The following GDAP1L1 variants were observed in gnomAD, a reference collection of about 807,000 sequenced individuals.
GDAP1L1 encodes the protein ganglioside induced differentiation associated protein 1 like 1.
A neutral mutation model predicts 37.1 loss-of-function variants in GDAP1L1; 21 were observed. The ratio of observed to expected loss-of-function variants is 0.57; its 90% CI spans 0.40 to 0.81. GDAP1L1 has a LOEUF of 0.81. Among genes scored for constraint, GDAP1L1 ranks in the 40% least tolerant of loss-of-function variants. The pLI is 0.00. For synonymous variants in GDAP1L1, 193 were observed against 209.1 expected (o/e 0.92, Z 0.67); for missense variants, 362 against 491.6 (o/e 0.74, Z 2.49).
rs62205986 is a variant in GDAP1L1 at position 44,272,212 on chromosome 20, G to A, written c.761-6745G>A. 7.4e-3 allele frequency among the ~76,000 whole-genome samples: 1,123 copies of A among 152,318 alleles called. 16 individuals carry two copies. The highest frequency in any genetic ancestry group is 0.051 in the East Asian group (266 of 5,176). ...AGGCAACCTGAAGAGATGTGGAGAC[G>A]TGGCATGGAGCAGGTGCAGAGGGCA... On this transcript the variant is annotated intron_variant, in intron 5 of 5. Coordinates refer to ENST00000342560, the MANE Select transcript of GDAP1L1 (RefSeq NM_024034.6).
chr20:44,263,298 C>G lies in GDAP1L1; in HGVS notation c.616C>G (p.Pro206Ala), dbSNP rs751590077. 18 of 1,613,902 alleles carry G rather than the reference C, an allele frequency of 1.1e-5. No individual in the cohort carries two copies. Among genetic ancestry groups the G allele is most frequent in the Non-Finnish European group, 1.1e-5 (13 of 1,179,922 alleles). ...TGAAGAGGAGCCCCAGCTCTCCGAG[C>G]CCTACCTTTCTAAACAAAAGAAGCT... ...DHEEEPQLSEPYLSKQKKLMA... is the reference protein window; with the variant it reads ...DHEEEPQLSEAYLSKQKKLMA... Residue 206 changes from proline (P) to alanine (A), a missense_variant, in exon 4 of 6, where the codon CCC becomes GCC. Pro to Ala is a conservative substitution (Grantham distance 27). Around this residue, in one of 2 missense-constraint regions of GDAP1L1, gnomAD observed 277 missense variants for 337.1 expected, o/e 0.82. Transcript: ENST00000342560.
chr20:44,254,617 A>G (rs532082062), intron 1 of GDAP1L1, among the ~76,000 whole-genome samples: 6 of 152,242 alleles, frequency 3.9e-5, no homozygotes, highest in Non-Finnish European at 7.3e-5. Context: ...AGAAAGGGGC[A>G]GTGATAGCTC....
chr20:44,262,370 G>A (rs1173591425), intron 3 of GDAP1L1, among the ~76,000 whole-genome samples: 1 of 152,152 alleles, frequency 6.6e-6, no homozygotes, highest in Non-Finnish European at 1.5e-5. Context: ...GATGTGGGGT[G>A]AGGTAGTGGG....
intron 5 of GDAP1L1, among the ~76,000 whole-genome samples, chr20:44,275,095 A>C (rs1454251631): frequency 6.6e-6 from 1 of 152,056 alleles, no homozygotes; most frequent in Non-Finnish European, 1.5e-5. Context: ...GGGTCTCGCC[A>C]TGTTGCCCAG....
chr20:44,280,008 C>T lies in GDAP1L1; in HGVS notation c.*708C>T, dbSNP rs1270936413. ...TGAAGGCAGCAGCCATCATCCTCTTCCTACCTTGAGTTTTTCTACCCTGTG... is the reference window on the plus strand; with the variant it reads ...TGAAGGCAGCAGCCATCATCCTCTTTCTACCTTGAGTTTTTCTACCCTGTG... On this transcript the variant is annotated 3_prime_UTR_variant, in exon 6 of 6. Transcript: ENST00000342560. The T allele has an allele frequency of 5.8e-6, 2 of 344,002 alleles. No homozygotes were observed. Among genetic ancestry groups the T allele is most frequent in the Non-Finnish European group, 1.1e-5 (2 of 174,822 alleles). 21.3% of individuals were successfully genotyped at this position (344,002 alleles called of 1,614,324 possible).
Position 44,258,598 on chromosome 20 carries a change from G to A in GDAP1L1, c.538G>A (p.Glu180Lys), listed in dbSNP as rs749534285. The A allele has an allele frequency of 1.9e-6, 3 of 1,599,622 alleles. No homozygotes were observed. The highest frequency in any genetic ancestry group is 2.3e-5 in the East Asian group (1 of 44,180). ...DSMIPKYATA[E>K]IRRHLANATT... ...CATGATCCCCAAGTACGCCACGGCC[G>A]AGATCCGCAGTGAGTGCCAGGGCGG... The change falls in exon 3 of 6, where the codon GAG becomes AAG. Residue 180 changes from glutamate to lysine, a missense_variant. Glu to Lys is a moderately conservative substitution (Grantham distance 56). This residue lies in a region of GDAP1L1 where 277 missense variants were observed against 337.1 expected (regional missense o/e 0.82). Coordinates refer to ENST00000342560, the MANE Select transcript of GDAP1L1 (RefSeq NM_024034.6).
intron 1 of GDAP1L1, 78 bp downstream of exon 1, chr20:44,247,592 A>C: frequency 7.5e-7 from 1 of 1,326,262 alleles, no homozygotes; most frequent in Non-Finnish European, 1.0e-6. Context: ...GAGGGATCTG[A>C]GGGCGGCGAA....
chr20:44,271,714 G>A (rs1318590685), intron 5 of GDAP1L1, among the ~76,000 whole-genome samples: 2 of 152,174 alleles, frequency 1.3e-5, no homozygotes, highest in Non-Finnish European at 2.9e-5. Context: ...TCTCATGCTG[G>A]TGGAAACAGT....
rs141483081 is a variant in GDAP1L1 at position 44,271,311 on chromosome 20, A to G, written c.760+6752A>G. ...AGAGGTTCTCCCACACTAAGCGGGT[A>G]TCAGCGCAGAGGAGTCAGCAAAGCC... On this transcript the variant is annotated intron_variant, in intron 5 of 5. Coordinates refer to ENST00000342560, the MANE Select transcript of GDAP1L1 (RefSeq NM_024034.6). Among the ~76,000 whole-genome samples the G allele has an allele frequency of 2.8e-3, 424 of 152,286 alleles. 4 individuals are homozygous for G. Among genetic ancestry groups the G allele is most frequent in the East Asian group, 7.0e-3 (36 of 5,176 alleles).
At position 44,247,508 on chromosome 20, in the gene GDAP1L1, G is replaced by T. The variant is rs1180935718; in HGVS notation, c.174G>T (p.Ser58=). The change falls in exon 1 of 6, where the codon TCG becomes TCT. Residue 58 remains serine, a synonymous_variant. Transcript: ENST00000342560. ...VLYHWTQSFS[S]QKVRLVIAEK... is the part of the protein sequence containing the mutation. ...ACCACTGGACCCAGTCCTTCAGCTC[G>T]CAGAAGGTAGAGCCGGGCCGGGAGC... 5.3e-6 allele frequency: 8 copies of T among 1,516,700 alleles called. No individual in the cohort carries two copies. The highest frequency in any genetic ancestry group is 7.1e-6 in the Non-Finnish European group (8 of 1,129,918). The allele number at this position is 1,516,700 out of a possible 1,614,324, so 94.0% of individuals were successfully genotyped here. A position where few individuals can be genotyped will look rare whatever the true frequency, so the allele number is the denominator to read the frequency against.
In GDAP1L1 at chr20:44,257,179, C is replaced by T. The variant is rs1460110654; in HGVS notation, c.207C>T (p.Gly69=). ...TGCGGCTGGTGATCGCCGAGAAGGGCCTGGTGTGCGAGGAGCGGGACGTGA... is the reference window on the plus strand; with the variant it reads ...TGCGGCTGGTGATCGCCGAGAAGGGTCTGGTGTGCGAGGAGCGGGACGTGA... ...QKVRLVIAEK[G]LVCEERDVSL... Residue 69 remains glycine (G), a synonymous_variant, in exon 2 of 6, where the codon GGC becomes GGT. Coordinates refer to ENST00000342560, the MANE Select transcript of GDAP1L1 (RefSeq NM_024034.6). 7.5e-6 allele frequency: 12 copies of T among 1,603,044 alleles called. No individual in the cohort carries two copies. Among genetic ancestry groups the T allele is most frequent in the South Asian group, 1.1e-5 (1 of 89,710 alleles).
Position 44,260,943 on chromosome 20 carries a change from G to C in GDAP1L1, c.548-2287G>C, listed in dbSNP as rs532684247. Among the ~76,000 whole-genome samples the C allele has an allele frequency of 3.3e-5, 5 of 152,320 alleles. No individual in the cohort carries two copies. The East Asian group carries it at 9.6e-4, about 29-fold the overall frequency. ...GGGAAGAATGAACGGGGTAGGCCCT[G>C]GCTGTTGGTAGGCAGGGTCCTGGCC... On this transcript the variant is annotated intron_variant, in intron 3 of 5. Transcript: ENST00000342560.
intron 5 of GDAP1L1, among the ~76,000 whole-genome samples, chr20:44,266,080 G>A (rs1440148253): frequency 6.6e-6 from 1 of 152,164 alleles, no homozygotes; most frequent in African/African-American, 2.4e-5. Context: ...AGGCCGAGGC[G>A]GGTGGATCAC....
At chr20:44,271,785 G>A (rs1309758560) in intron 5 of GDAP1L1, among the ~76,000 whole-genome samples, 1 of 152,160 alleles carries the variant, frequency 6.6e-6, no homozygotes, top group Non-Finnish European at 1.5e-5. Context: ...AAGACAGGAG[G>A]GGCGTGGTTC....
intron 5 of GDAP1L1, among the ~76,000 whole-genome samples, chr20:44,278,453 T>C (rs1475320229): frequency 6.6e-6 from 1 of 152,154 alleles, no homozygotes; most frequent in African/African-American, 2.4e-5. Context: ...CTGTCTTGGC[T>C]CACTGCAGCC....
Position 44,258,187 on chromosome 20 carries a change from A to G in GDAP1L1, c.374-247A>G, listed in dbSNP as rs766723981. The stretch of plus-strand genomic sequence containing the variant: ...TCTTGAATCCCGCAACACTGGGTCT[A>G]GGACCCCGCCTGGCAGCAAGTCTGG... On this transcript the variant is annotated intron_variant, in intron 2 of 5. Coordinates refer to ENST00000342560, the MANE Select transcript of GDAP1L1 (RefSeq NM_024034.6). 28 of 717,690 alleles carry G rather than the reference A, an allele frequency of 3.9e-5. No homozygotes were observed. In the South Asian group the frequency reaches 4.1e-4, roughly 11 times the overall value. The allele number at this position is 717,690 out of a possible 1,614,324, so 44.5% of individuals were successfully genotyped here.
chr20:44,254,206 C>T (rs2073496954), intron 1 of GDAP1L1, among the ~76,000 whole-genome samples: 1 of 152,208 alleles, frequency 6.6e-6, no homozygotes, highest in Non-Finnish European at 1.5e-5. Context: ...TGACCGGGAA[C>T]ACACATGGCA....
Position 44,279,331 on chromosome 20 carries a change from C to T in GDAP1L1, c.*31C>T, listed in dbSNP as rs781287612. The T allele has an allele frequency of 1.1e-5, 16 of 1,402,068 alleles. No homozygotes were observed. The highest frequency in any genetic ancestry group is 1.8e-4 in the Middle Eastern group (1 of 5,610). 86.9% of individuals were successfully genotyped at this position (1,402,068 alleles called of 1,614,324 possible). On this transcript the variant is annotated 3_prime_UTR_variant, in exon 6 of 6. Coordinates refer to ENST00000342560, the MANE Select transcript of GDAP1L1 (RefSeq NM_024034.6). ...GGCCTGGGGCTTGGTGTCTGACTGTCGGTGTCTCTGTGCTGTGTGATTCCC... is the reference window on the plus strand; with the variant it reads ...GGCCTGGGGCTTGGTGTCTGACTGTTGGTGTCTCTGTGCTGTGTGATTCCC...
At chr20:44,276,388 G>GA (rs2062574947) in intron 5 of GDAP1L1, among the ~76,000 whole-genome samples, 1 of 46,050 alleles carries the variant, frequency 2.2e-5, no homozygotes, top group African/African-American at 9.7e-5. Flanking sequence ...GGAAGGAAAA[G>GA]AAAAGAAAGG....
Sources: allele counts gnomAD v4.1 joint callset (sites outside exome capture counted in the v4.1 genomes callset), GRCh38; gene constraint gnomAD v4.1.1; regional missense constraint gnomAD v4.1.1; transcripts MANE v1.5; gene names NCBI Gene and HGNC (gene_info 2026-07-23, HGNC 2026-07-21).